Variants in PADI1 observed in about 807,000 individuals in gnomAD.
PADI1 encodes the protein protein-arginine deiminase type-1.
Under a neutral mutation model 74.8 loss-of-function variants are expected in PADI1, and 65 were observed. The observed-to-expected ratio is 0.87, with a 90% CI of 0.71 to 1.07. The LOEUF (loss-of-function observed/expected upper bound fraction) is 1.07. PADI1 is among the 50% of genes least tolerant of loss of function. The pLI, the probability that PADI1 is intolerant of heterozygous loss-of-function variation, is 0.00. For missense variants in PADI1, 943 were observed against 854.0 expected, an observed-to-expected ratio of 1.10 and a Z score of -1.30; for synonymous variants, 371 against 336.2, an observed-to-expected ratio of 1.10 and a Z score of -1.13.
intron 1 of PADI1, among the ~76,000 whole-genome samples, chr1:17,206,683 C>CTTTTTTTTTTTTTTTTTT (rs796276122): frequency 1.8e-5 from 2 of 109,762 alleles, no homozygotes; most frequent in African/African-American, 3.4e-5. Context: ...TTTTCTTTTT[C>CTTTTTTTTTTTTTTTTTT]TTTTTTTTTT....
intron 14 of PADI1, 51 bp from the exon 15 acceptor site, chr1:17,240,584 C>T: frequency 1.3e-6 from 2 of 1,596,254 alleles, no homozygotes; most frequent in Non-Finnish European, 1.7e-6. Context: ...GGTGCTTGGC[C>T]AGTGTTATGC....
intron 8 of PADI1, 53 bp downstream of exon 8, chr1:17,229,104 A>T (rs1392530479): frequency 2.6e-6 from 3 of 1,143,824 alleles, no homozygotes; most frequent in South Asian, 1.3e-5. Context: ...AGAGGTAGGG[A>T]CAGAAGCTGC....
intron 6 of PADI1, among the ~76,000 whole-genome samples, chr1:17,227,942 A>G (rs1202594109): frequency 1.3e-5 from 2 of 152,266 alleles, no homozygotes; most frequent in East Asian, 3.8e-4. Flanking sequence ...TTTAGTTAGC[A>G]TAATGTCTTC....
intron 1 of PADI1, among the ~76,000 whole-genome samples, chr1:17,216,822 A>T (rs910068710): frequency 9.2e-5 from 14 of 152,128 alleles, no homozygotes; most frequent in African/African-American, 3.4e-4. Flanking sequence ...GTGAGCTGAG[A>T]TCATGCCTTT....
At chr1:17,237,117 C>T (rs116168048) in intron 11 of PADI1, among the ~76,000 whole-genome samples, 197 bp from the exon 12 acceptor site, 1,690 of 152,360 alleles carry the variant, frequency 0.011, 41 homozygotes, top group African/African-American at 0.037. Context: ...CTAAGGACAG[C>T]ACACAGTAGG....
At chr1:17,241,139 G>C (rs1195524392) in intron 15 of PADI1, among the ~76,000 whole-genome samples, 1 of 152,242 alleles carries the variant, frequency 6.6e-6, no homozygotes, top group Non-Finnish European at 1.5e-5. Flanking sequence ...GCTGCCTGCT[G>C]TGTTCCCCAC....
Position 17,237,404 on chromosome 1 carries a change from C to G in PADI1, c.1404C>G (p.Leu468=), listed in dbSNP as rs1422659153. 2 of 1,613,858 alleles carry G rather than the reference C, an allele frequency of 1.2e-6. No homozygotes were observed. Among genetic ancestry groups the G allele is most frequent in the Non-Finnish European group, 1.7e-6 (2 of 1,179,834 alleles). ...CCGTGGAGCTCTACTCGGACTGGCTCTCTGTGGGCCATGTGGACGAGTTTC... is the reference window on the plus strand; with the variant it reads ...CCGTGGAGCTCTACTCGGACTGGCTGTCTGTGGGCCATGTGGACGAGTTTC... ...QAPVELYSDW[L]SVGHVDEFLT... The change falls in exon 12 of 16, where the codon CTC becomes CTG. Residue 468 remains leucine (L), a synonymous_variant. Transcript: ENST00000375471.
intron 3 of PADI1, 67 bp from the exon 4 acceptor site, chr1:17,224,300 C>G: frequency 7.0e-7 from 1 of 1,436,970 alleles, no homozygotes; most frequent in Non-Finnish European, 9.7e-7. Context: ...TTTGCCCAAC[C>G]TGGACTTTAG....
At chr1:17,242,837 G>T (rs572950950) in intron 15 of PADI1, among the ~76,000 whole-genome samples, 4 of 152,328 alleles carry the variant, frequency 2.6e-5, no homozygotes, top group Non-Finnish European at 5.9e-5. Flanking sequence ...CCTGGTCCTG[G>T]TCCTGGTCCT....
Position 17,228,798 on chromosome 1 carries a change from G to T in PADI1, c.825+1G>T, listed in dbSNP as rs1487636612. 6 of 1,613,708 alleles carry T rather than the reference G, an allele frequency of 3.7e-6. No individual in the cohort carries two copies. The East Asian group carries it at 6.7e-5, about 18-fold the overall frequency. ...CAGTGTCAGCCTGGTGGACCCGGGGGTGTGTACAGCACTGGGGGGTGGCCA... is the reference window on the plus strand; with the variant it reads ...CAGTGTCAGCCTGGTGGACCCGGGGTTGTGTACAGCACTGGGGGGTGGCCA... On this transcript the variant is annotated splice_donor_variant, in intron 7 of 15. Transcript: ENST00000375471. LOFTEE classifies it high-confidence loss of function.
At chr1:17,205,843 A>T (rs1056066650) in intron 1 of PADI1, among the ~76,000 whole-genome samples, 1 of 152,160 alleles carries the variant, frequency 6.6e-6, no homozygotes, top group African/African-American at 2.4e-5. Flanking sequence ...CTGGAGCAAG[A>T]CGGCTGGGAC....
intron 10 of PADI1, 95 bp downstream of exon 10, chr1:17,230,774 G>C (rs1447583893): frequency 1.4e-6 from 1 of 713,976 alleles, no homozygotes; most frequent in Non-Finnish European, 2.4e-6. Context: ...ATAGGGCTCA[G>C]AGAACAGGAA....
intron 1 of PADI1, among the ~76,000 whole-genome samples, chr1:17,214,209 T>C (rs2071911266): frequency 1.3e-5 from 2 of 152,154 alleles, no homozygotes; most frequent in South Asian, 4.1e-4. Flanking sequence ...TGTGTCCATT[T>C]TACAGCGGAG....
chr1:17,226,807 T>C (rs1220184999), intron 6 of PADI1, among the ~76,000 whole-genome samples: 1 of 151,982 alleles, frequency 6.6e-6, no homozygotes, highest in Non-Finnish European at 1.5e-5. Context: ...CCTAGCACTT[T>C]GAGAGGCCGA....
Position 17,237,299 on chromosome 1 carries a change from C to G in PADI1, c.1314-15C>G. ...CAGGCACAAGGTGACTGCCCGCCCT[C>G]TCCCTCCTGGCCAGGTCCGGTGGGC... On this transcript the variant is annotated splice_polypyrimidine_tract_variant and intron_variant, in intron 11 of 15. Coordinates refer to ENST00000375471, the MANE Select transcript of PADI1 (RefSeq NM_013358.3). The G allele has an allele frequency of 1.3e-6, 2 of 1,595,572 alleles. No individual in the cohort carries two copies. The highest frequency in any genetic ancestry group is 3.5e-5 in the Admixed American group (2 of 57,442).
chr1:17,223,591 G>T lies in PADI1; in HGVS notation c.274-30G>T, dbSNP rs374026198. 5 of 1,581,886 alleles carry T rather than the reference G, an allele frequency of 3.2e-6. No individual in the cohort carries two copies. In the African/African-American group the frequency reaches 6.7e-5, roughly 21 times the overall value. On this transcript the variant is annotated intron_variant, in intron 2 of 15. Transcript: ENST00000375471. ...GCCTCCGCCATCTCTGAAGGTGATG[G>T]CCGTGCAGGCTTAGGGCTATGTTCT...
At chr1:17,230,271 G>T (rs2072450743) in intron 9 of PADI1, 63 bp downstream of exon 9, 10 of 1,572,704 alleles carry the variant, frequency 6.4e-6, no homozygotes, top group Admixed American at 1.8e-5. Flanking sequence ...AGCCGCACAG[G>T]TGCCTGATGG....
chr1:17,240,566 G>C, intron 14 of PADI1, 69 bp from the exon 15 acceptor site: 2 of 1,565,150 alleles, frequency 1.3e-6, no homozygotes, highest in Non-Finnish European at 1.7e-6. Flanking sequence ...CGGGCCCAGC[G>C]CACAGTAGGT....
At chr1:17,226,302 T>C (rs1466256411) in intron 6 of PADI1, 144 bp downstream of exon 6, 8 of 872,172 alleles carry the variant, frequency 9.2e-6, no homozygotes, top group Non-Finnish European at 1.8e-6. Context: ...CCAAATATAG[T>C]CCTCAAGGAG....
Sources: allele counts gnomAD v4.1 joint callset (sites outside exome capture counted in the v4.1 genomes callset), GRCh38; gene constraint gnomAD v4.1.1; transcripts MANE v1.5; gene names NCBI Gene and HGNC (gene_info 2026-07-23, HGNC 2026-07-21).